The following PRDM11 variants were observed in gnomAD, a reference collection of about 807,000 sequenced individuals.
PRDM11 encodes the protein PR domain-containing protein 11.
A neutral mutation model predicts 97.8 loss-of-function variants in PRDM11; 20 were observed. The ratio of observed to expected loss-of-function variants is 0.20; its 90% CI spans 0.14 to 0.30. PRDM11 has a LOEUF of 0.30. Among genes scored for constraint, PRDM11 ranks in the 10% least tolerant of loss-of-function variants. The pLI, the probability that PRDM11 is intolerant of heterozygous loss-of-function variation, is 1.00. For missense variants in PRDM11, 1,139 were observed against 1,555.2 expected (o/e 0.73, Z 4.50); for synonymous variants, 599 against 637.7 (o/e 0.94, Z 0.91).
In PRDM11 at chr11:45,182,572, C is replaced by T. The variant is rs375323876; in HGVS notation, c.223+223C>T. 9.8e-5 allele frequency among the ~76,000 whole-genome samples: 15 copies of T among 152,292 alleles called. No individual in the cohort carries two copies. In the South Asian group the frequency reaches 1.0e-3, roughly 11 times the overall value. On this transcript the variant is annotated intron_variant, in intron 3 of 7. Coordinates refer to ENST00000683152, the MANE Select transcript of PRDM11 (RefSeq NM_001384648.1). ...GTCTTGGTGAGGGTTAAGTATCCCACGCCTCGAGTCCTCTGGCCCAAAGGG... is the reference window on the plus strand; with the variant it reads ...GTCTTGGTGAGGGTTAAGTATCCCATGCCTCGAGTCCTCTGGCCCAAAGGG...
In PRDM11 at chr11:45,224,756, T is replaced by A. The variant is rs1450335092; in HGVS notation, c.1282T>A (p.Leu428Ile). The A allele has an allele frequency of 1.2e-6, 2 of 1,614,096 alleles. No homozygotes were observed. The highest frequency in any genetic ancestry group is 2.7e-5 in the African/African-American group (2 of 74,932). Residue 428 changes from leucine to isoleucine, a missense_variant, in exon 7 of 8, where the codon TTA (leucine) becomes ATA (isoleucine). Leu to Ile is a conservative substitution (Grantham distance 5, BLOSUM62 2). Around this residue, in one of 2 missense-constraint regions of PRDM11, gnomAD observed 710 missense variants for 1,044.9 expected, o/e 0.68. Transcript: ENST00000683152. ...GAAGGTTCGGGAGCTCCAGGCAGAA[T>A]TAGACATGCTTAAGTCTGGGAAACT... Reference protein sequence around the residue: ...KKKVRELQAELDMLKSGKLPE... With the variant: ...KKKVRELQAEIDMLKSGKLPE...
intron 1 of PRDM11, among the ~76,000 whole-genome samples, chr11:45,131,274 T>G (rs7929875): frequency 0.83 from 126,602 of 152,148 alleles, 53,417 homozygotes; most frequent in Middle Eastern, 0.88. Flanking sequence ...GATTCCCCCA[T>G]GACTCGAAAT....
rs75350208 is a variant in PRDM11 at position 45,136,290 on chromosome 11, G to A, written c.96+40389G>A. ...ATGTTACCTGAAATGATAACAGAGT[G>A]ATAACAGGACAGAATTCCTATTTTA... On this transcript the variant is annotated intron_variant, in intron 1 of 6. Coordinates refer to the PRDM11 transcript ENST00000530656. 5.7e-3 allele frequency among the ~76,000 whole-genome samples: 868 copies of A among 152,288 alleles called. 7 individuals carry two copies. The highest frequency in any genetic ancestry group is 0.02 in the African/African-American group (819 of 41,544).
chr11:45,158,684 A>G (rs1851859947), intron 1 of PRDM11, among the ~76,000 whole-genome samples: 1 of 151,966 alleles, frequency 6.6e-6, no homozygotes, highest in African/African-American at 2.4e-5. Flanking sequence ...GGAGCTGGGG[A>G]GCAGGCCCTG....
At chr11:45,152,825 AC>A (rs1051630375) in intron 1 of PRDM11, among the ~76,000 whole-genome samples, 85 of 152,276 alleles carry the variant, frequency 5.6e-4, no homozygotes, top group African/African-American at 1.8e-3. Flanking sequence ...CTCCGGCCTA[AC>A]CCGGATACTT....
intron 1 of PRDM11, among the ~76,000 whole-genome samples, chr11:45,128,237 G>A (rs1049919134): frequency 6.6e-6 from 1 of 152,172 alleles, no homozygotes; most frequent in Non-Finnish European, 1.5e-5. Flanking sequence ...AATTTTCCAG[G>A]TGCTGTCTGT....
chr11:45,123,806 T>C (rs1465794679), intron 1 of PRDM11, among the ~76,000 whole-genome samples: 300 of 119,186 alleles, frequency 2.5e-3, no homozygotes, highest in South Asian at 4.3e-3. Context: ...TCTTTTGGCT[T>C]AGGATTGACT....
Position 45,219,847 on chromosome 11 carries a change from G to A in PRDM11, c.742+90G>A, listed in dbSNP as rs1188423875. 1.4e-6 allele frequency: 2 copies of A among 1,405,242 alleles called. No individual in the cohort carries two copies. The highest frequency in any genetic ancestry group is 1.9e-6 in the Non-Finnish European group (2 of 1,050,270). The allele number at this position is 1,405,242 out of a possible 1,614,324, so 87.0% of individuals were successfully genotyped here. ...GTTTTGGAGCTTCCTGAGAAATACG[G>A]TTCCCAGCAATGGGAAGACCCAGAG... On this transcript the variant is annotated intron_variant, in intron 6 of 7. Coordinates refer to ENST00000683152, the MANE Select transcript of PRDM11 (RefSeq NM_001384648.1). The surrounding 1 kb of genome is among the most constrained non-coding windows in gnomAD (Gnocchi z 4.2).
At chr11:45,122,064 A>G (rs1008053857) in intron 1 of PRDM11, among the ~76,000 whole-genome samples, 1 of 152,108 alleles carries the variant, frequency 6.6e-6, no homozygotes. Flanking sequence ...AGAAATAGTA[A>G]AGATGAAAGC....
rs377687910 is a variant in PRDM11 at position 45,160,585 on chromosome 11, A to G, written c.-7+13708A>G. On this transcript the variant is annotated intron_variant, in intron 1 of 7. Coordinates refer to ENST00000683152, the MANE Select transcript of PRDM11 (RefSeq NM_001384648.1). Reference sequence around the variant, plus strand: ...CTGCAAATTGCTTTTCTCACTTAACATTGTATCTGGGAAATCTAGCCACAC... The same window carrying G: ...CTGCAAATTGCTTTTCTCACTTAACGTTGTATCTGGGAAATCTAGCCACAC... Among the ~76,000 whole-genome samples, 3 of 152,188 alleles carry G rather than the reference A, an allele frequency of 2.0e-5. No homozygotes were observed. The East Asian group carries it at 5.8e-4, about 29-fold the overall frequency.
chr11:45,156,508 A>AT (rs1424150303), intron 1 of PRDM11, among the ~76,000 whole-genome samples: 12 of 152,222 alleles, frequency 7.9e-5, no homozygotes, highest in African/African-American at 2.7e-4. Context: ...GCTGTGCTGG[A>AT]TGGGTGTATG....
chr11:45,205,435 C>A (rs993794712), intron 5 of PRDM11, among the ~76,000 whole-genome samples: 34 of 152,088 alleles, frequency 2.2e-4, no homozygotes, highest in African/African-American at 8.2e-4. Flanking sequence ...GTGCGAGGGA[C>A]TCTGCCTGGT....
intron 1 of PRDM11, among the ~76,000 whole-genome samples, chr11:45,135,110 G>T (rs905980507): frequency 6.6e-6 from 1 of 150,718 alleles, no homozygotes; most frequent in East Asian, 1.9e-4. Context: ...CTAAAAAGAA[G>T]AATCCAATTT....
At chr11:45,096,390 T>A (rs1590333363) in intron 1 of PRDM11, among the ~76,000 whole-genome samples, 1 of 152,188 alleles carries the variant, frequency 6.6e-6, no homozygotes, top group African/African-American at 2.4e-5. Flanking sequence ...CGTCTTAACA[T>A]TTTTAGGTAC....
At chr11:45,214,863 CAA>C (rs1164432277) in intron 5 of PRDM11, 1 of 152,210 alleles carries the variant, frequency 6.6e-6, no homozygotes, top group East Asian at 1.9e-4. Flanking sequence ...GAGAAGGGCT[CAA>C]GTGCCCCTTG....
At chr11:45,114,224 A>G (rs970773538) in intron 1 of PRDM11, among the ~76,000 whole-genome samples, 1 of 152,152 alleles carries the variant, frequency 6.6e-6, no homozygotes, top group African/African-American at 2.4e-5. Flanking sequence ...ATAGAGGGAA[A>G]ATCACAGCAA....
intron 1 of PRDM11, among the ~76,000 whole-genome samples, chr11:45,180,717 GGAGCTCCC>G (rs1291429115): frequency 6.7e-6 from 1 of 149,878 alleles, no homozygotes; most frequent in Non-Finnish European, 1.5e-5. Flanking sequence ...GGCCGGGCAG[GGAGCTCCC>G]CGCCGGGAAG....
chr11:45,212,646 A>G (rs1303147193), intron 5 of PRDM11: 2 of 455,974 alleles, frequency 4.4e-6, no homozygotes, highest in Non-Finnish European at 8.8e-6. Context: ...CCCTCGCCCC[A>G]GGCCCAGGCT....
At chr11:45,126,810 G>A (rs1852586028) in intron 1 of PRDM11, among the ~76,000 whole-genome samples, 1 of 152,140 alleles carries the variant, frequency 6.6e-6, no homozygotes, top group East Asian at 1.9e-4. Flanking sequence ...TGACAATTAT[G>A]TGTCTTGGAG....
Sources: allele counts gnomAD v4.1 joint callset (sites outside exome capture counted in the v4.1 genomes callset), GRCh38; gene constraint gnomAD v4.1.1; regional missense constraint gnomAD v4.1.1; non-coding constraint Gnocchi (gnomAD v3.1); transcripts MANE v1.5; gene names NCBI Gene and HGNC (gene_info 2026-07-23, HGNC 2026-07-21).